Variants in FMN1 observed in about 807,000 individuals in gnomAD.
FMN1 encodes formin 1.
FMN1 carries 110 observed loss-of-function variants against 132.4 expected under a neutral mutation model. The observed-to-expected ratio is 0.83, with a 90% CI of 0.71 to 0.97. The LOEUF (loss-of-function observed/expected upper bound fraction) is 0.97. Ranked by LOEUF, FMN1 falls within the 50% of genes least tolerant of loss-of-function variation. The pLI is 0.00. For missense variants in FMN1, 1,792 were observed against 1,705.3 expected, an observed-to-expected ratio of 1.05 and a Z score of -0.90; for synonymous variants, 722 against 651.7, an observed-to-expected ratio of 1.11 and a Z score of -1.64.
intron 6 of FMN1, among the ~76,000 whole-genome samples, chr15:33,036,705 TATA>T (rs1165220790): frequency 4.6e-5 from 7 of 152,326 alleles, no homozygotes; most frequent in African/African-American, 1.4e-4. Context: ...TTCACAGGGT[TATA>T]ATAAGTATTA....
At chr15:32,871,627 T>C (rs1019858678) in intron 16 of FMN1, among the ~76,000 whole-genome samples, 1 of 152,112 alleles carries the variant, frequency 6.6e-6, no homozygotes, top group Admixed American at 6.6e-5. Context: ...GACCTAAAGA[T>C]ACAAGATACA....
chr15:32,828,617 G>C (rs1260901784), intron 17 of FMN1, among the ~76,000 whole-genome samples: 1 of 151,908 alleles, frequency 6.6e-6, no homozygotes, highest in African/African-American at 2.4e-5. Context: ...CTCTGCAGAG[G>C]ATGATTCAAA....
At chr15:33,016,901 C>CA (rs780018055) in intron 6 of FMN1, among the ~76,000 whole-genome samples, 1 of 152,202 alleles carries the variant, frequency 6.6e-6, no homozygotes, top group Non-Finnish European at 1.5e-5. Context: ...AACCCCAAGC[C>CA]AGTTTTCTAC....
chr15:32,953,297 T>C (rs1203206463), intron 9 of FMN1, among the ~76,000 whole-genome samples: 3 of 152,186 alleles, frequency 2.0e-5, no homozygotes, highest in Non-Finnish European at 2.9e-5. Flanking sequence ...TCTTTGTAAA[T>C]TGACCATGGC....
chr15:33,152,595 G>A (rs1193412020), intron 4 of FMN1, among the ~76,000 whole-genome samples: 1 of 151,884 alleles, frequency 6.6e-6, no homozygotes, highest in Non-Finnish European at 1.5e-5. Flanking sequence ...TGAAGACACA[G>A]CGTACTTTTG....
At chr15:33,090,210 A>T (rs957413016) in intron 4 of FMN1, among the ~76,000 whole-genome samples, 1 of 152,186 alleles carries the variant, frequency 6.6e-6, no homozygotes, top group Non-Finnish European at 1.5e-5. Flanking sequence ...TATACGACAG[A>T]GTGTTTATTA....
chr15:32,826,981 G>A (rs1231186757), intron 17 of FMN1, among the ~76,000 whole-genome samples: 1 of 152,204 alleles, frequency 6.6e-6, no homozygotes, highest in Non-Finnish European at 1.5e-5. Context: ...AGAACTACAG[G>A]AGAATCAGAG....
chr15:32,976,012 A>G (rs2032172805), intron 7 of FMN1, among the ~76,000 whole-genome samples: 1 of 152,188 alleles, frequency 6.6e-6, no homozygotes, highest in Non-Finnish European at 1.5e-5. Flanking sequence ...AAGAAGGTGG[A>G]AAAGCGCCTA....
At chr15:32,862,087 A>C (rs1210061602) in intron 16 of FMN1, among the ~76,000 whole-genome samples, 1 of 152,134 alleles carries the variant, frequency 6.6e-6, no homozygotes, top group Non-Finnish European at 1.5e-5. Context: ...TGCCTGCTCC[A>C]ATTTATTGAC....
At chr15:32,810,786 G>A (rs1595978536) in intron 17 of FMN1, 2 of 270,178 alleles carry the variant, frequency 7.4e-6, no homozygotes, top group East Asian at 8.7e-5. Flanking sequence ...TAAGGGGAAG[G>A]GATAAGGGTT....
At chr15:33,017,056 CTCAA>C (rs528267491) in intron 6 of FMN1, among the ~76,000 whole-genome samples, 6 of 151,916 alleles carry the variant, frequency 3.9e-5, no homozygotes, top group Admixed American at 1.3e-4. Context: ...ATATTGGCAT[CTCAA>C]TCAAATTTGG....
At chr15:32,967,454 A>C (rs2031349020) in intron 8 of FMN1, among the ~76,000 whole-genome samples, 1 of 152,198 alleles carries the variant, frequency 6.6e-6, no homozygotes, top group Non-Finnish European at 1.5e-5. Flanking sequence ...ACTAATACGG[A>C]AACATGACTC....
chr15:32,819,218 CT>C (rs1484075169), intron 17 of FMN1, among the ~76,000 whole-genome samples: 1 of 142,606 alleles, frequency 7.0e-6, no homozygotes, highest in Non-Finnish European at 1.6e-5. Context: ...ATGCAACCCC[CT>C]TCCCCCCAAC....
chr15:32,878,614 G>A (rs896504937), intron 16 of FMN1, among the ~76,000 whole-genome samples: 1 of 152,128 alleles, frequency 6.6e-6, no homozygotes, highest in African/African-American at 2.4e-5. Flanking sequence ...CTATGAAAAG[G>A]GATTTCCTTT....
chr15:33,107,566 G>A (rs1409361970), intron 4 of FMN1, among the ~76,000 whole-genome samples: 1 of 151,932 alleles, frequency 6.6e-6, no homozygotes, highest in African/African-American at 2.4e-5. Flanking sequence ...CCTCATTCCT[G>A]CCTTTGGCAT....
intron 7 of FMN1, among the ~76,000 whole-genome samples, chr15:32,970,326 T>A (rs1307949494): frequency 6.6e-6 from 1 of 152,230 alleles, no homozygotes; most frequent in Non-Finnish European, 1.5e-5. Flanking sequence ...TAGAATTTTA[T>A]TAGAGTTTTC....
intron 10 of FMN1, among the ~76,000 whole-genome samples, chr15:32,923,979 G>C (rs1427324470): frequency 2.0e-5 from 3 of 152,106 alleles, no homozygotes; most frequent in East Asian, 3.8e-4. Flanking sequence ...TGTGATACCT[G>C]AAGAATCCCT....
intron 15 of FMN1, among the ~76,000 whole-genome samples, chr15:32,893,351 C>G (rs1567341058): frequency 6.6e-6 from 1 of 151,982 alleles, no homozygotes; most frequent in African/African-American, 2.4e-5. Flanking sequence ...TTATCAGATT[C>G]AGTCCTGGTT....
chr15:33,094,815 CAT>C (rs2039020872), intron 4 of FMN1, among the ~76,000 whole-genome samples: 1 of 152,068 alleles, frequency 6.6e-6, no homozygotes, highest in African/African-American at 2.4e-5. Flanking sequence ...TATGTGTGGC[CAT>C]AGTTACACTG....
Sources: gnomAD v4.1 joint callset for allele counts (sites outside exome capture counted in the v4.1 genomes callset) on GRCh38, gnomAD v4.1.1 for gene constraint, MANE v1.5 for transcripts, NCBI Gene and HGNC (gene_info 2026-07-23, HGNC 2026-07-21) for gene names.